Variants in ZNF223 observed in about 807,000 individuals in gnomAD.
ZNF223 encodes the protein Homo sapiens zinc finger protein 223.
A neutral mutation model predicts 12.3 loss-of-function variants in ZNF223; 9 were observed. The ratio of observed to expected loss-of-function variants is 0.73; its 90% confidence interval spans 0.44 to 1.28. The LOEUF is 1.28. Ranked by LOEUF, ZNF223 falls within the 50% of genes most tolerant of loss-of-function variation. The probability of loss-of-function intolerance (pLI) is 0.00; values close to 1 mark genes in which losing one functional copy is unlikely to be tolerated. For missense variants in ZNF223, 506 were observed against 579.0 expected, an observed-to-expected ratio of 0.87 and a Z score of 1.29; for synonymous variants, 171 against 195.2, an observed-to-expected ratio of 0.88 and a Z score of 1.03.
At chr19:44,060,728 T>C (rs750509579) in intron 3 of ZNF223, 21 bp from the exon 4 acceptor site, 2 of 1,613,940 alleles carry the variant, frequency 1.2e-6, no homozygotes, top group Non-Finnish European at 1.7e-6. Context: ...GGATTAAGCA[T>C]GTGACTTTTC....
At chr19:44,065,955 C>T in intron 4 of ZNF223, 109 bp from the exon 5 acceptor site, 1 of 1,480,492 alleles carries the variant, frequency 6.8e-7, no homozygotes, top group South Asian at 1.4e-5. Context: ...ACTTGGAAAA[C>T]ACAAACTGAA....
At chr19:44,057,254 GAAGA>G (rs909630200) in intron 2 of ZNF223, among the ~76,000 whole-genome samples, 2 of 152,108 alleles carry the variant, frequency 1.3e-5, no homozygotes, top group Non-Finnish European at 2.9e-5. Context: ...AAAAAAGTGA[GAAGA>G]AAGTATGCAA....
chr19:44,059,246 T>C (rs533522478), intron 2 of ZNF223, among the ~76,000 whole-genome samples: 10 of 152,344 alleles, frequency 6.6e-5, no homozygotes, highest in African/African-American at 2.4e-4. Flanking sequence ...ATGTGGAACA[T>C]TTCTCATCCA....
At position 44,060,750 on chromosome 19, in the gene ZNF223, G is replaced by C. The variant is rs770481478; in HGVS notation, c.144G>C (p.Gly48=). The change falls in exon 4 of 5, where the codon GGG becomes GGC. Residue 48 remains glycine (G), a splice_region_variant and synonymous_variant. Coordinates refer to ENST00000434772, the MANE Select transcript of ZNF223 (RefSeq NM_013361.6). ...LENFRNLLSV[G]HQPFHRDTFH... is the part of the protein sequence containing the mutation. ...GCATGTGACTTTTCCTGTTTACAGG[G>C]CATCAACCATTCCACCGAGATACTT... 1 of 1,612,680 alleles carries C rather than the reference G, an allele frequency of 6.2e-7. No homozygotes were observed. Among genetic ancestry groups the C allele is most frequent in the Non-Finnish European group, 8.5e-7 (1 of 1,179,518 alleles).
intron 2 of ZNF223, among the ~76,000 whole-genome samples, chr19:44,058,939 C>G (rs1176408750): frequency 6.6e-6 from 1 of 152,144 alleles, no homozygotes; most frequent in Admixed American, 6.5e-5. Flanking sequence ...TAGGGGCACC[C>G]CCAGCATGCC....
rs765468655 is a variant in ZNF223 at position 44,067,381 on chromosome 19, C to CT, written c.*110dup. Reference sequence around the variant, plus strand: ...AGCACATTTATCACCTCAATTATCTCTTTTTTGTGTTGAGAAAATTAAAAA... The same window carrying CT: ...AGCACATTTATCACCTCAATTATCTCTTTTTTTGTGTTGAGAAAATTAAAAA... On this transcript the variant is annotated 3_prime_UTR_variant, in exon 5 of 5. Coordinates refer to ENST00000434772, the MANE Select transcript of ZNF223 (RefSeq NM_013361.6). 1.6e-6 allele frequency: 2 copies of CT among 1,258,394 alleles called. No individual in the cohort carries two copies. The highest frequency in any genetic ancestry group is 3.9e-5 in the Admixed American group (2 of 50,652). The allele number at this position is 1,258,394 out of a possible 1,614,324, so 78.0% of individuals were successfully genotyped here. A position where few individuals can be genotyped will look rare whatever the true frequency, so the allele number is the denominator to read the frequency against.
At chr19:44,060,616 GC>G in intron 3 of ZNF223, 35 bp downstream of exon 3, 1 of 1,613,648 alleles carries the variant, frequency 6.2e-7, no homozygotes, top group Non-Finnish European at 8.5e-7. Context: ...GGAATGTCAG[GC>G]CCCAGGAGTG....
At chr19:44,058,437 C>T (rs1393112051) in intron 2 of ZNF223, among the ~76,000 whole-genome samples, 1 of 152,174 alleles carries the variant, frequency 6.6e-6, no homozygotes, top group African/African-American at 2.4e-5. Context: ...GGAGCATGAC[C>T]ACAAGCAGCA....
Position 44,066,970 on chromosome 19 carries a change from A to C in ZNF223, c.1142A>C (p.Tyr381Ser). Residue 381 changes from tyrosine to serine, a missense_variant, in exon 5 of 5, where the codon TAC becomes TCC. Tyr to Ser is a moderately radical substitution (Grantham distance 144, BLOSUM62 -2). Transcript: ENST00000434772. ...AAATGTGACAAGTGTGGGAAGAGCT[A>C]CATTACTAAGTCAGGTCTTGACTTG... ...PYKCDKCGKS[Y>S]ITKSGLDLHH... The C allele has an allele frequency of 6.2e-7, 1 of 1,613,246 alleles. No individual in the cohort carries two copies. The highest frequency in any genetic ancestry group is 8.5e-7 in the Non-Finnish European group (1 of 1,179,276).
chr19:44,064,369 A>C (rs1892844936), intron 4 of ZNF223, among the ~76,000 whole-genome samples: 1 of 152,206 alleles, frequency 6.6e-6, no homozygotes, highest in Admixed American at 6.5e-5. Context: ...GACCTCTGGA[A>C]GGACAGCCTT....
intron 1 of ZNF223, among the ~76,000 whole-genome samples, chr19:44,053,960 G>A (rs1034101934): frequency 6.6e-6 from 1 of 152,286 alleles, no homozygotes; most frequent in African/African-American, 2.4e-5. Context: ...GCGAGCACAG[G>A]GTTGGGGCTA....
Position 44,066,758 on chromosome 19 carries a change from C to T in ZNF223, c.930C>T (p.His310=). Residue 310 remains histidine (H), a synonymous_variant, in exon 5 of 5, where the codon CAC becomes CAT. Coordinates refer to ENST00000434772, the MANE Select transcript of ZNF223 (RefSeq NM_013361.6). ...RSSLNRHCVV[H]TGKKPNSTGE... ...GTCTTAATAGGCATTGTGTGGTCCA[C>T]ACAGGAAAGAAACCAAACAGCACTG... 1 of 1,614,154 alleles carries T rather than the reference C, an allele frequency of 6.2e-7. No individual in the cohort carries two copies. Among genetic ancestry groups the T allele is most frequent in the Non-Finnish European group, 8.5e-7 (1 of 1,180,026 alleles).
chr19:44,052,350 A>T (rs980708208), intron 1 of ZNF223, among the ~76,000 whole-genome samples, 155 bp downstream of exon 1: 12 of 152,000 alleles, frequency 7.9e-5, no homozygotes, highest in Non-Finnish European at 1.6e-4. Context: ...CCGCCTCCCT[A>T]CGTATGCAGT....
At chr19:44,064,922 A>G (rs1479156284) in intron 4 of ZNF223, among the ~76,000 whole-genome samples, 1 of 152,146 alleles carries the variant, frequency 6.6e-6, no homozygotes, top group Non-Finnish European at 1.5e-5. Context: ...CTGGGATCCA[A>G]GTAATTATTG....
chr19:44,052,736 G>A (rs1976718537), intron 1 of ZNF223, among the ~76,000 whole-genome samples: 1 of 152,098 alleles, frequency 6.6e-6, no homozygotes, highest in African/African-American at 2.4e-5. Flanking sequence ...GCTTTCTGCA[G>A]CAAGGAAGCC....
chr19:44,056,884 C>T (rs1049705214), intron 2 of ZNF223, among the ~76,000 whole-genome samples: 2 of 151,962 alleles, frequency 1.3e-5, no homozygotes, highest in African/African-American at 4.8e-5. Flanking sequence ...CGTGAACCAC[C>T]GTGCCCGGCC....
chr19:44,065,711 G>T (rs750719823), intron 4 of ZNF223, among the ~76,000 whole-genome samples: 10 of 151,394 alleles, frequency 6.6e-5, no homozygotes, highest in Non-Finnish European at 1.5e-4. Flanking sequence ...CCAAGTATCT[G>T]GGATTATAGG....
chr19:44,058,775 A>G (rs4239528), intron 2 of ZNF223, among the ~76,000 whole-genome samples: 121,282 of 152,148 alleles, frequency 0.8, 49,026 homozygotes, highest in Non-Finnish European at 0.87. Flanking sequence ...GCCATTGCCT[A>G]TGGCAGGTGT....
In ZNF223 at chr19:44,056,687, G is replaced by A. The variant is rs1031554782; in HGVS notation, c.15+1496G>A. ...CAGCTCACTGCCAGCTCTGCCTCCC[G>A]GGTTTACGCCGTTCTCCTGCCTCAG... is the stretch of plus-strand genomic sequence containing the variant. On this transcript the variant is annotated intron_variant, in intron 2 of 4. Coordinates refer to ENST00000434772, the MANE Select transcript of ZNF223 (RefSeq NM_013361.6). 2.2e-5 allele frequency among the ~76,000 whole-genome samples: 3 copies of A among 134,756 alleles called. No individual in the cohort carries two copies. In the Admixed American group the frequency reaches 2.5e-4, roughly 11 times the overall value. The allele number at this position is 134,756 out of a possible 152,430, so 88.4% of individuals were successfully genotyped here.
Sources: gnomAD v4.1 joint callset for allele counts (sites outside exome capture counted in the v4.1 genomes callset) on GRCh38, gnomAD v4.1.1 for gene constraint, MANE v1.5 for transcripts, NCBI Gene and HGNC (gene_info 2026-07-23, HGNC 2026-07-21) for gene names.